Variants in LAP3 observed in about 807,000 individuals in gnomAD.
LAP3 encodes cytosol aminopeptidase.
A neutral mutation model predicts 58.8 loss-of-function variants in LAP3; 46 were observed. The observed-to-expected ratio is 0.78, with a 90% CI of 0.62 to 1.00. LAP3 has a LOEUF of 1.00. Ranked by LOEUF, LAP3 falls within the 50% of genes least tolerant of loss-of-function variation. The pLI is 0.00. For synonymous variants in LAP3, 257 were observed against 237.7 expected, an observed-to-expected ratio of 1.08 and a Z score of -0.75; for missense variants, 615 against 659.1, an observed-to-expected ratio of 0.93 and a Z score of 0.73.
At chr4:17,593,080 G>A (rs1472915730) in intron 7 of LAP3, among the ~76,000 whole-genome samples, 1 of 152,216 alleles carries the variant, frequency 6.6e-6, no homozygotes, top group South Asian at 2.1e-4. Flanking sequence ...ATACAGGCAT[G>A]AGCCATCACA....
rs202110748 is a variant in LAP3, at chr4:17,595,390, C to T, written c.864-20C>T. ...CATCTTCTTTGCTCTTAATATTGCA[C>T]GTTGTCCATTTCCCCATAGTGGTGG... is the stretch of plus-strand genomic sequence containing the variant. On this transcript the variant is annotated intron_variant, in intron 7 of 12. Coordinates refer to ENST00000226299, the MANE Select transcript of LAP3 (RefSeq NM_015907.3). 9.3e-5 allele frequency: 150 copies of T among 1,612,196 alleles called. No homozygotes were observed. In the East Asian group the frequency reaches 3.2e-3, roughly 34 times the overall value.
At position 17,598,566 on chromosome 4, in the gene LAP3, C is replaced by T. The variant is rs755333322; in HGVS notation, c.1180+8C>T. 3.8e-5 allele frequency: 60 copies of T among 1,585,950 alleles called. No homozygotes were observed. Among genetic ancestry groups the T allele is most frequent in the South Asian group, 1.9e-4 (17 of 90,454 alleles). ...ATGCCGCCACCTTAACAGGTCAGAC[C>T]GCGCACTTGCCTTGATTTTGTTTGA... On this transcript the variant is annotated splice_region_variant and intron_variant, in intron 10 of 12. Coordinates refer to ENST00000226299, the MANE Select transcript of LAP3 (RefSeq NM_015907.3).
rs1714180830 is a variant in LAP3 at position 17,607,730 on chromosome 4, CTTGA to C, written c.*144_*147del. 7 of 589,392 alleles carry C rather than the reference CTTGA, an allele frequency of 1.2e-5. No homozygotes were observed. The highest frequency in any genetic ancestry group is 5.7e-5 in the African/African-American group (3 of 52,626). 36.5% of individuals were successfully genotyped at this position (589,392 alleles called of 1,614,324 possible). ...GTAGAACACAATGAAATTTGTATGC[CTTGA>C]TTTTTTTTTCATTTCACACAAAGAT... On this transcript the variant is annotated 3_prime_UTR_variant, in exon 13 of 13. Transcript: ENST00000226299.
intron 3 of LAP3, 103 bp downstream of exon 3, chr4:17,581,917 A>G: frequency 1.0e-6 from 1 of 959,408 alleles, no homozygotes; most frequent in Admixed American, 2.2e-5. Context: ...GTTGGATTGT[A>G]TGATTTTATT....
intron 3 of LAP3, 179 bp downstream of exon 3, chr4:17,581,993 T>C (rs532102092): frequency 3.9e-5 from 24 of 615,926 alleles, no homozygotes; most frequent in South Asian, 3.3e-4. Flanking sequence ...GCCTATCTTA[T>C]ATTCCTCAAT....
Position 17,585,058 on chromosome 4 carries a change from A to C in LAP3, c.626A>C (p.Glu209Ala). 1 of 1,614,112 alleles carries C rather than the reference A, an allele frequency of 6.2e-7. No individual in the cohort carries two copies. Among genetic ancestry groups the C allele is most frequent in the Middle Eastern group, 1.6e-4 (1 of 6,062 alleles). Residue 209 changes from glutamate (E) to alanine (A), a missense_variant, in exon 6 of 13, where the codon GAG becomes GCG. Physicochemically the swap from Glu to Ala is moderately radical, Grantham distance 107. Transcript: ENST00000226299. ...CAATTGATGGAGACGCCAGCCAATG[A>C]GATGACGCCAACCAGATTTGCTGAA... ...ARQLMETPAN[E>A]MTPTRFAEII...
At position 17,577,485 on chromosome 4, in the gene LAP3, C is replaced by T. The variant is rs745982474; in HGVS notation, c.20C>T (p.Pro7Leu). The change falls in exon 1 of 13, where the codon CCG becomes CTG. Residue 7 changes from proline (P) to leucine (L), a missense_variant. Transcript: ENST00000226299. MFLLPL[P>L]AAGRVVVRRL... ...GACAAGATGTTCTTGCTGCCTCTTC[C>T]GGCTGCGGGGCGAGTAGTCGTCCGA... 7.0e-6 allele frequency: 11 copies of T among 1,581,332 alleles called. No homozygotes were observed. In the Admixed American group the frequency reaches 7.2e-5, roughly 10 times the overall value.
intron 6 of LAP3, 115 bp downstream of exon 6, chr4:17,585,251 A>G (rs1713476587): frequency 1.2e-6 from 1 of 837,710 alleles, no homozygotes; most frequent in African/African-American, 1.7e-5. Flanking sequence ...GAGATTTGAG[A>G]TGACCCACTT....
Position 17,577,514 on chromosome 4 carries a change from C to G in LAP3, c.49C>G (p.Leu17Val). The G allele has an allele frequency of 6.3e-7, 1 of 1,587,518 alleles. No homozygotes were observed. The highest frequency in any genetic ancestry group is 2.3e-5 in the East Asian group (1 of 43,402). ...PAAGRVVVRR[L>V]AVRRFGSRSL... ...TGCGGGGCGAGTAGTCGTCCGACGTCTGGCCGTGAGACGTTTCGGGAGCCG... is the reference window on the plus strand; with the variant it reads ...TGCGGGGCGAGTAGTCGTCCGACGTGTGGCCGTGAGACGTTTCGGGAGCCG... Residue 17 changes from leucine (L) to valine (V), a missense_variant, in exon 1 of 13, where the codon CTG becomes GTG. Coordinates refer to ENST00000226299, the MANE Select transcript of LAP3 (RefSeq NM_015907.3).
chr4:17,593,909 G>A (rs1050591798), intron 7 of LAP3, among the ~76,000 whole-genome samples: 6 of 151,900 alleles, frequency 3.9e-5, no homozygotes, highest in Non-Finnish European at 8.8e-5. Flanking sequence ...CACCACACTC[G>A]GTGAATCTGC....
intron 5 of LAP3, 33 bp from the exon 6 acceptor site, chr4:17,584,936 GGTT>G: frequency 6.2e-7 from 1 of 1,605,008 alleles, no homozygotes; most frequent in Non-Finnish European, 8.5e-7. Context: ...GTTCTTGAGA[GGTT>G]GTTTGACAGT....
rs752435405 is a variant in LAP3 at position 17,598,491 on chromosome 4, G to A, written c.1113G>A (p.Leu371=). 6.2e-7 allele frequency: 1 copy of A among 1,614,118 alleles called. No individual in the cohort carries two copies. Among genetic ancestry groups the A allele is most frequent in the Non-Finnish European group, 8.5e-7 (1 of 1,180,000 alleles). Residue 371 remains leucine, a synonymous_variant, in exon 10 of 13, where the codon CTG becomes CTA. Coordinates refer to ENST00000226299, the MANE Select transcript of LAP3 (RefSeq NM_015907.3). The stretch of plus-strand genomic sequence containing the variant: ...CTGATGCTGAGGGGAGGCTCATACT[G>A]GCTGATGCGCTCTGTTACGCACACA... The part of the protein sequence containing the change: ...DNTDAEGRLI[L]ADALCYAHTF...
At chr4:17,604,327 GT>G (rs10719442) in intron 10 of LAP3, among the ~76,000 whole-genome samples, 88,046 of 149,094 alleles carry the variant, frequency 0.59, 27,113 homozygotes, top group East Asian at 0.88. Context: ...TCAAAAATAG[GT>G]TAACAGTTAT....
chr4:17,579,697 C>T, intron 1 of LAP3, 127 bp from the exon 2 acceptor site: 1 of 524,238 alleles, frequency 1.9e-6, no homozygotes, highest in African/African-American at 2.0e-5. Flanking sequence ...TTTTTGCTTT[C>T]TTCTGTCCAT....
chr4:17,590,091 TACTTAGCAAAAAA>T (rs1713642266), intron 7 of LAP3, among the ~76,000 whole-genome samples: 2 of 152,152 alleles, frequency 1.3e-5, no homozygotes, highest in Non-Finnish European at 2.9e-5. Flanking sequence ...TAAAAAGGGC[TACTTAGCAAAAAA>T]ACTAGGTTAG....
At chr4:17,592,168 C>T (rs76625886) in intron 7 of LAP3, among the ~76,000 whole-genome samples, 1 of 152,188 alleles carries the variant, frequency 6.6e-6, no homozygotes, top group African/African-American at 2.4e-5. Context: ...CACCTATGCA[C>T]CGTTCACCAC....
chr4:17,583,785 T>A, intron 5 of LAP3, 143 bp downstream of exon 5: 1 of 843,010 alleles, frequency 1.2e-6, no homozygotes, highest in Non-Finnish European at 1.9e-6. Flanking sequence ...GCCATTTTAA[T>A]AATGTGGTCA....
chr4:17,605,031 T>A (rs1057366223), intron 11 of LAP3, among the ~76,000 whole-genome samples: 7 of 152,024 alleles, frequency 4.6e-5, no homozygotes, highest in Admixed American at 3.9e-4. Flanking sequence ...TCACCCTGCA[T>A]CGATGAGGAT....
chr4:17,599,434 G>T (rs574375900), intron 10 of LAP3, among the ~76,000 whole-genome samples: 58 of 152,244 alleles, frequency 3.8e-4, no homozygotes, highest in African/African-American at 1.3e-3. Flanking sequence ...TACTCGGGAG[G>T]CTGAGGCAGG....
Sources: allele counts gnomAD v4.1 joint callset (sites outside exome capture counted in the v4.1 genomes callset), GRCh38; gene constraint gnomAD v4.1.1; transcripts MANE v1.5; gene names NCBI Gene and HGNC (gene_info 2026-07-23, HGNC 2026-07-21).